Variants in DZANK1 observed in about 807,000 individuals in gnomAD.
DZANK1 encodes double zinc ribbon and ankyrin repeat-containing protein 1.
DZANK1 carries 91 observed loss-of-function variants against 94.5 expected under a neutral mutation model. The ratio of observed to expected loss-of-function variants is 0.96; its 90% CI spans 0.81 to 1.15. DZANK1 has a LOEUF of 1.15. Ranked by LOEUF, DZANK1 falls within the 50% of genes most tolerant of loss-of-function variation. The probability of loss-of-function intolerance (pLI) is 0.00; values close to 1 mark genes in which losing one functional copy is unlikely to be tolerated. For synonymous variants in DZANK1, 312 were observed against 325.3 expected, an observed-to-expected ratio of 0.96 and a Z score of 0.44; for missense variants, 903 against 916.4, an observed-to-expected ratio of 0.99 and a Z score of 0.19.
intron 5 of DZANK1, chr20:18,452,713 G>A (rs1274317391): frequency 6.3e-7 from 1 of 1,594,934 alleles, no homozygotes; most frequent in Admixed American, 1.7e-5. Flanking sequence ...AAAGTTTTAG[G>A]GTCAGTTCTT....
chr20:18,441,059 G>C lies in DZANK1; in HGVS notation c.747+2288C>G, dbSNP rs1358892348. ...ATGACTTAAAGGTCCTGAGCTTGTC[G>C]TTTTCTTTCTGTGAATGCTCCCATG... On this transcript the variant is annotated intron_variant, in intron 8 of 20. Transcript: ENST00000262547. The surrounding 1 kb of genome is among the most constrained non-coding windows in gnomAD (Gnocchi z 4.1). Among the ~76,000 whole-genome samples the C allele has an allele frequency of 6.6e-6, 1 of 152,088 alleles. No individual in the cohort carries two copies. Among genetic ancestry groups the C allele is most frequent in the East Asian group, 1.9e-4 (1 of 5,196 alleles).
At chr20:18,449,255 T>G (rs2059005732) in intron 6 of DZANK1, among the ~76,000 whole-genome samples, 186 bp from the exon 7 acceptor site, 1 of 152,040 alleles carries the variant, frequency 6.6e-6, no homozygotes, top group Admixed American at 6.6e-5. Context: ...GCTGAAAAAT[T>G]ACCTATTGGG....
chr20:18,390,496 C>CA, intron 17 of DZANK1, 37 bp from the exon 18 acceptor site: 4 of 1,585,124 alleles, frequency 2.5e-6, no homozygotes, highest in Non-Finnish European at 3.5e-6. Flanking sequence ...TCCCCCACTT[C>CA]AAAATATTCA....
chr20:18,390,294 T>G, intron 18 of DZANK1, 85 bp downstream of exon 18: 1 of 1,298,098 alleles, frequency 7.7e-7, no homozygotes, highest in Non-Finnish European at 1.1e-6. Context: ...TTCACAGTAT[T>G]GAACAAAACT....
intron 13 of DZANK1, among the ~76,000 whole-genome samples, chr20:18,411,529 G>C (rs2057256268): frequency 6.6e-6 from 1 of 152,044 alleles, no homozygotes; most frequent in South Asian, 2.1e-4. Context: ...AGCTTCACAG[G>C]TAATTTACCA....
intron 10 of DZANK1, 88 bp from the exon 11 acceptor site, chr20:18,415,537 A>G: frequency 7.8e-7 from 1 of 1,283,294 alleles, no homozygotes; most frequent in South Asian, 3.3e-5. Context: ...AAATTCCCAG[A>G]CAAGATGAGC....
chr20:18,413,248 C>T (rs1437605907), intron 12 of DZANK1: 1 of 218,496 alleles, frequency 4.6e-6, no homozygotes, highest in Non-Finnish European at 9.1e-6. Context: ...AGAGGACTAC[C>T]ATGAAAGGTT....
At chr20:18,416,728 C>T (rs148293349) in intron 10 of DZANK1, among the ~76,000 whole-genome samples, 1 of 152,214 alleles carries the variant, frequency 6.6e-6, no homozygotes, top group East Asian at 1.9e-4. Flanking sequence ...TTCATAGACA[C>T]CCGAGAACAG....
chr20:18,450,077 CAAATAAATAAATAAATAAATAAAT>C (rs146221883), intron 6 of DZANK1, among the ~76,000 whole-genome samples: 1 of 149,090 alleles, frequency 6.7e-6, no homozygotes, highest in South Asian at 2.1e-4. Flanking sequence ...AACTCCGTCT[CAAATAAATAAATAAATAAATAAAT>C]AAATAAATAA....
At chr20:18,403,728 GGGTT>G (rs386813024) in intron 13 of DZANK1, among the ~76,000 whole-genome samples, 124,735 of 150,982 alleles carry the variant, frequency 0.83, 52,095 homozygotes, top group South Asian at 0.96. Context: ...CACAGCCCAT[GGGTT>G]GGACATGTGA....
chr20:18,462,183 G>T (rs1284557806), intron 2 of DZANK1, among the ~76,000 whole-genome samples: 1 of 151,944 alleles, frequency 6.6e-6, no homozygotes, highest in Non-Finnish European at 1.5e-5. Context: ...AGGTATAGGG[G>T]ATATGCAAAA....
exon 12 of DZANK1, chr20:18,414,489 A>G (rs751290764): frequency 1.9e-6 from 3 of 1,611,730 alleles, no homozygotes; most frequent in South Asian, 2.2e-5. Context: ...TAGGGCAAAC[A>G]GAACAGCCAG....
At chr20:18,386,948 A>C (rs1457008100) in intron 19 of DZANK1, among the ~76,000 whole-genome samples, 1 of 152,216 alleles carries the variant, frequency 6.6e-6, no homozygotes, top group Non-Finnish European at 1.5e-5. Flanking sequence ...CCAGTGTATT[A>C]GTCCATTTTC....
intron 8 of DZANK1, among the ~76,000 whole-genome samples, chr20:18,442,534 A>G (rs2058745719): frequency 6.6e-6 from 1 of 152,266 alleles, no homozygotes; most frequent in Non-Finnish European, 1.5e-5. Context: ...TCACTGAAGT[A>G]AATTAAATTA....
rs771686647 is a variant in DZANK1 at position 18,428,150 on chromosome 20, C to CA, written c.862-992dup. Reference sequence around the variant, plus strand: ...TGGGTGACAGAGCAAGACTCCGTCTCAAAAAAAAAAAAAAGAAAGAGAGTG... The same window carrying CA: ...TGGGTGACAGAGCAAGACTCCGTCTCAAAAAAAAAAAAAAAGAAAGAGAGTG... On this transcript the variant is annotated intron_variant, in intron 9 of 20. Coordinates refer to ENST00000262547, the Ensembl canonical transcript of DZANK1. 6.5e-3 allele frequency among the ~76,000 whole-genome samples: 673 copies of CA among 103,342 alleles called. 6 individuals are homozygous for CA. The highest frequency in any genetic ancestry group is 0.021 in the African/African-American group (576 of 27,604). The allele number at this position is 103,342 out of a possible 152,430, so 67.8% of individuals were successfully genotyped here.
At chr20:18,395,916 A>T (rs1411879028) in intron 15 of DZANK1, among the ~76,000 whole-genome samples, 1 of 152,172 alleles carries the variant, frequency 6.6e-6, no homozygotes, top group Non-Finnish European at 1.5e-5. Flanking sequence ...TCCCAATTTC[A>T]ACAACACCAT....
chr20:18,413,272 C>T (rs184807263), intron 12 of DZANK1: 17 of 194,374 alleles, frequency 8.7e-5, no homozygotes, highest in African/African-American at 1.9e-4. Context: ...CGTTGCACAA[C>T]GTCACTGCAT....
At chr20:18,400,691 A>G (rs1462359702) in intron 13 of DZANK1, among the ~76,000 whole-genome samples, 1 of 152,130 alleles carries the variant, frequency 6.6e-6, no homozygotes, top group Admixed American at 6.6e-5. Context: ...TCGAGACAAC[A>G]CTAGAGATCA....
chr20:18,396,039 C>T (rs1047885424), intron 15 of DZANK1, among the ~76,000 whole-genome samples: 12 of 152,190 alleles, frequency 7.9e-5, no homozygotes, highest in Admixed American at 2.6e-4. Flanking sequence ...CTGCTAATGT[C>T]AATCAATTAA....
Sources: gnomAD v4.1 joint callset for allele counts (sites outside exome capture counted in the v4.1 genomes callset) on GRCh38, gnomAD v4.1.1 for gene constraint, Gnocchi (gnomAD v3.1) non-coding constraint, MANE v1.5 for transcripts, NCBI Gene and HGNC (gene_info 2026-07-23, HGNC 2026-07-21) for gene names.